ACYP2: variants seen among roughly 807,000 people sequenced by gnomAD.
ACYP2 encodes acylphosphatase-2.
Under a neutral mutation model 11.2 loss-of-function variants are expected in ACYP2, and 12 were observed. That is an observed-to-expected ratio of 1.08 (90% confidence interval 0.69 to 1.74). The LOEUF is 1.74. Among genes scored for constraint, ACYP2 ranks in the 40% most tolerant of loss-of-function variants. The probability of loss-of-function intolerance (pLI) is 0.00; values close to 1 mark genes in which losing one functional copy is unlikely to be tolerated. For missense variants in ACYP2, 134 were observed against 101.9 expected (o/e 1.31, Z -1.35); for synonymous variants, 43 against 32.2 (o/e 1.33, Z -1.13).
At chr2:54,142,079 G>A in intron 6 of ACYP2, 1 of 401,040 alleles carries the variant, frequency 2.5e-6, no homozygotes, top group Non-Finnish European at 4.4e-6. Flanking sequence ...TCACTATGTT[G>A]CTCAGGCTGG....
At chr2:54,070,550 C>T (rs558707526) in intron 4 of ACYP2, among the ~76,000 whole-genome samples, 8 of 152,190 alleles carry the variant, frequency 5.3e-5, no homozygotes, top group African/African-American at 1.9e-4. Flanking sequence ...TTTTATGAAT[C>T]CTCAACCCCA....
At chr2:54,236,487 G>C (rs1686481519) in intron 6 of ACYP2, among the ~76,000 whole-genome samples, 1 of 152,040 alleles carries the variant, frequency 6.6e-6, no homozygotes. Flanking sequence ...TAATTTATAA[G>C]CATTGTGAAT....
At chr2:53,996,923 C>T (rs1010657891) in intron 2 of ACYP2, among the ~76,000 whole-genome samples, 3 of 152,134 alleles carry the variant, frequency 2.0e-5, no homozygotes, top group South Asian at 2.1e-4. Context: ...AAAAATGTTG[C>T]GTCTCCCTAT....
At chr2:54,210,403 T>G (rs1324443294) in intron 6 of ACYP2, among the ~76,000 whole-genome samples, 1 of 144,470 alleles carries the variant, frequency 6.9e-6, no homozygotes, top group Non-Finnish European at 1.6e-5. Flanking sequence ...TGCTTATAAC[T>G]CTATACAAAT....
chr2:54,042,179 T>C (rs1675267386), intron 2 of ACYP2, among the ~76,000 whole-genome samples: 1 of 152,104 alleles, frequency 6.6e-6, no homozygotes, highest in African/African-American at 2.4e-5. Context: ...GCTAATTTTG[T>C]ATTTTTAGTA....
At chr2:54,054,217 G>T (rs918907668) in intron 3 of ACYP2, among the ~76,000 whole-genome samples, 1 of 152,142 alleles carries the variant, frequency 6.6e-6, no homozygotes, top group Non-Finnish European at 1.5e-5. Flanking sequence ...ACTTATTCTG[G>T]GAACATTATT....
chr2:54,069,713 T>G (rs1299915464), intron 4 of ACYP2, among the ~76,000 whole-genome samples: 1 of 151,954 alleles, frequency 6.6e-6, no homozygotes, highest in African/African-American at 2.4e-5. Flanking sequence ...AAATACAGAA[T>G]GAATGGAAAG....
Position 54,055,177 on chromosome 2 carries a change from C to T in ACYP2, c.156-2062C>T, listed in dbSNP as rs188388626. On this transcript the variant is annotated intron_variant, in intron 3 of 6. Coordinates refer to ENST00000607452, the MANE Select transcript of ACYP2 (RefSeq NM_001320586.2). ...TCAGCCTCCCAAGTAGCTGGGACTA[C>T]AGGTGTGCACCACCACACCTAGCTA... Among the ~76,000 whole-genome samples the T allele has an allele frequency of 5.3e-5, 8 of 152,246 alleles. No homozygotes were observed. In the East Asian group the frequency reaches 1.4e-3, roughly 26 times the overall value.
At chr2:54,139,261 G>T (rs948540929) in intron 6 of ACYP2, among the ~76,000 whole-genome samples, 2 of 152,194 alleles carry the variant, frequency 1.3e-5, no homozygotes, top group African/African-American at 2.4e-5. Flanking sequence ...AGGATGGTTC[G>T]TGAAGTTCTT....
At chr2:53,996,424 A>G (rs562646157) in intron 2 of ACYP2, among the ~76,000 whole-genome samples, 3 of 152,104 alleles carry the variant, frequency 2.0e-5, no homozygotes, top group Non-Finnish European at 4.4e-5. Context: ...GAAAGGAAAG[A>G]GGGGAGTAAA....
intron 2 of ACYP2, among the ~76,000 whole-genome samples, chr2:53,989,277 CTTTTTTTTTTTT>C (rs775237196): frequency 1.1e-5 from 1 of 94,806 alleles, no homozygotes; most frequent in Non-Finnish European, 2.0e-5. Context: ...GTAGACAATT[CTTTTTTTTTTTT>C]TTTTTTTTTT....
intron 4 of ACYP2, among the ~76,000 whole-genome samples, chr2:54,134,020 CAT>C (rs1331680835): frequency 6.6e-6 from 1 of 152,156 alleles, no homozygotes; most frequent in Non-Finnish European, 1.5e-5. Context: ...ATAGGGAAAA[CAT>C]AACCAAGACC....
chr2:54,231,920 A>G (rs1686253514), intron 6 of ACYP2, among the ~76,000 whole-genome samples: 1 of 152,202 alleles, frequency 6.6e-6, no homozygotes, highest in African/African-American at 2.4e-5. Flanking sequence ...AATAACAGCA[A>G]TCCTTTCAGG....
intron 6 of ACYP2, chr2:54,255,169 A>G: frequency 6.2e-7 from 1 of 1,614,134 alleles, no homozygotes; most frequent in Admixed American, 1.7e-5. Context: ...GCGCCACATG[A>G]TTAGAGTGGA....
At chr2:54,278,101 C>T (rs1198934910) in intron 6 of ACYP2, among the ~76,000 whole-genome samples, 1 of 152,192 alleles carries the variant, frequency 6.6e-6, no homozygotes, top group African/African-American at 2.4e-5. Flanking sequence ...CCTCAGCCTC[C>T]TGAGTAGCTG....
At chr2:54,256,291 T>G in intron 6 of ACYP2, 1 of 881,814 alleles carries the variant, frequency 1.1e-6, no homozygotes, top group South Asian at 1.7e-5. Context: ...CACCCCTCAG[T>G]CTCGCGACAC....
intron 6 of ACYP2, chr2:54,143,326 G>C (rs902387926): frequency 6.6e-6 from 1 of 152,166 alleles, no homozygotes; most frequent in African/African-American, 2.4e-5. Context: ...ATTAGCCTTT[G>C]ATTGGTTACA....
At chr2:54,116,475 C>T (rs891579480) in intron 4 of ACYP2, among the ~76,000 whole-genome samples, 3 of 148,908 alleles carry the variant, frequency 2.0e-5, no homozygotes, top group Admixed American at 6.7e-5. Context: ...CTTTTCCCAC[C>T]GAATTACCCC....
intron 6 of ACYP2, among the ~76,000 whole-genome samples, chr2:54,200,825 T>G (rs1684722236): frequency 6.6e-6 from 1 of 152,206 alleles, no homozygotes; most frequent in East Asian, 1.9e-4. Context: ...TTTGAGGAAC[T>G]GCCAGGCTGT....
Sources: gnomAD v4.1 joint callset for allele counts (sites outside exome capture counted in the v4.1 genomes callset) on GRCh38, gnomAD v4.1.1 for gene constraint, MANE v1.5 for transcripts, NCBI Gene and HGNC (gene_info 2026-07-23, HGNC 2026-07-21) for gene names.